The following LACTB variants were observed in gnomAD, a reference collection of about 807,000 sequenced individuals.
LACTB encodes lactamase beta.
LACTB carries 35 observed loss-of-function variants against 50.2 expected under a neutral mutation model. The observed-to-expected ratio is 0.70, with a 90% CI of 0.53 to 0.92. LACTB has a LOEUF of 0.92. Ranked by LOEUF, LACTB falls within the 40% of genes least tolerant of loss-of-function variation. LACTB has a pLI of 0.00. For synonymous variants in LACTB, 252 were observed against 268.2 expected, an observed-to-expected ratio of 0.94 and a Z score of 0.59; for missense variants, 664 against 691.8, an observed-to-expected ratio of 0.96 and a Z score of 0.45.
At chr15:63,133,174 T>G in intron 5 of LACTB, among the ~76,000 whole-genome samples, 1 of 152,252 alleles carries the variant, frequency 6.6e-6, no homozygotes, top group African/African-American at 2.4e-5. Context: ...GCTATGATTT[T>G]ATATAATTTC....
rs774767052 is a variant in LACTB at position 63,142,005 on chromosome 15, T to C, written c.*200T>C. The stretch of plus-strand genomic sequence containing the variant: ...TTTATACTCAGGGAAGTAATTATAT[T>C]GTTTTTACTTTTTGAAAAAAGTGTT... On this transcript the variant is annotated 3_prime_UTR_variant, in exon 6 of 6. Coordinates refer to ENST00000261893, the MANE Select transcript of LACTB (RefSeq NM_032857.5). 22 of 494,432 alleles carry C rather than the reference T, an allele frequency of 4.4e-5. No homozygotes were observed. Among genetic ancestry groups the C allele is most frequent in the Non-Finnish European group, 7.8e-5 (22 of 282,552 alleles). 30.6% of individuals were successfully genotyped at this position (494,432 alleles called of 1,614,324 possible). A position where few individuals can be genotyped will look rare whatever the true frequency, so the allele number is the denominator to read the frequency against.
At chr15:63,125,685 T>C (rs914402748) in intron 2 of LACTB, among the ~76,000 whole-genome samples, 2 of 151,892 alleles carry the variant, frequency 1.3e-5, no homozygotes, top group Non-Finnish European at 2.9e-5. Context: ...TTTATTTATT[T>C]ATTTATTTTT....
rs2037061617 is a variant in LACTB at position 63,126,968 on chromosome 15, G to A, written c.534G>A (p.Trp178Ter). 6.2e-7 allele frequency: 1 copy of A among 1,613,532 alleles called. No homozygotes were observed. The stretch of plus-strand genomic sequence containing the variant: ...CCATGGTTGCTCTTGCCAAATTGTG[G>A]GAAGCAGGGAAACTGGATCTTGATA... ...SLTMVALAKL[W>*]EAGKLDLDIP... The change falls in exon 3 of 6, where the codon TGG (tryptophan) becomes TGA (stop). Residue 178 changes from tryptophan to a stop codon, truncating the protein, a stop_gained. Transcript: ENST00000261893. LOFTEE classifies it high-confidence loss of function.
At chr15:63,129,447 G>T (rs2037099306) in intron 4 of LACTB, 38 bp from the exon 5 acceptor site, 3 of 1,479,778 alleles carry the variant, frequency 2.0e-6, no homozygotes, top group Admixed American at 4.7e-5. Context: ...TAATAATCAA[G>T]TATTTTATTT....
At chr15:63,125,434 C>T (rs914351816) in intron 2 of LACTB, among the ~76,000 whole-genome samples, 1 of 152,180 alleles carries the variant, frequency 6.6e-6, no homozygotes, top group African/African-American at 2.4e-5. Flanking sequence ...TCCCAAAGTG[C>T]TGGGATTACA....
Position 63,122,664 on chromosome 15 carries a change from TTGGAGTTTCTGTAGA to T in LACTB, c.391_405del (p.Val131_Gly135del). ...GAGGTGGGCGCACCGGGCATAGTGG[TTGGAGTTTCTGTAGA>T]TGGAAAAGAAGTCTGGTCAGAAGGT... On this transcript the variant is annotated inframe_deletion, in exon 2 of 6. Coordinates refer to ENST00000261893, the MANE Select transcript of LACTB (RefSeq NM_032857.5). The T allele has an allele frequency of 6.2e-7, 1 of 1,613,926 alleles. No individual in the cohort carries two copies. The highest frequency in any genetic ancestry group is 8.5e-7 in the Non-Finnish European group (1 of 1,179,802).
intron 5 of LACTB, among the ~76,000 whole-genome samples, chr15:63,134,106 A>T (rs936060008): frequency 1.3e-5 from 2 of 151,974 alleles, no homozygotes; most frequent in African/African-American, 4.8e-5. Flanking sequence ...TTCTTTACTG[A>T]TTTTTATCTG....
rs1486906885 is a variant in LACTB, at chr15:63,127,631, T to A, written c.894T>A (p.Phe298Leu). 1 of 1,610,716 alleles carries A rather than the reference T, an allele frequency of 6.2e-7. No individual in the cohort carries two copies. The highest frequency in any genetic ancestry group is 1.7e-5 in the Admixed American group (1 of 59,670). Residue 298 changes from phenylalanine to leucine, a missense_variant, in exon 4 of 6, where the codon TTT (phenylalanine) becomes TTA (leucine). By Grantham distance (22) the Phe-to-Leu change is conservative. Transcript: ENST00000261893. ...EQGELYLREK[F>L]ENSIESLRLF... ...GCGAATTATATTTGAGAGAAAAGTTTGAAAATTCAATTGAATCCCTAAGAT... is the reference window on the plus strand; with the variant it reads ...GCGAATTATATTTGAGAGAAAAGTTAGAAAATTCAATTGAATCCCTAAGAT...
chr15:63,139,871 G>A (rs2040112563), intron 5 of LACTB, among the ~76,000 whole-genome samples: 1 of 151,584 alleles, frequency 6.6e-6, no homozygotes, highest in African/African-American at 2.4e-5. Flanking sequence ...GCAGAGGCGA[G>A]TGGATTGCTT....
At chr15:63,124,851 G>A (rs2037027859) in intron 2 of LACTB, among the ~76,000 whole-genome samples, 10 of 152,112 alleles carry the variant, frequency 6.6e-5, no homozygotes, top group Admixed American at 6.6e-4. Flanking sequence ...CTACTCGGGA[G>A]GCCAGGATAC....
chr15:63,133,811 C>G (rs2037153276), intron 5 of LACTB, among the ~76,000 whole-genome samples: 1 of 152,076 alleles, frequency 6.6e-6, no homozygotes. Context: ...AACATTTGAG[C>G]TTATTTTGTA....
chr15:63,129,469 G>C lies in LACTB; in HGVS notation c.953-16G>C. The C allele has an allele frequency of 5.3e-6, 8 of 1,520,508 alleles. No homozygotes were observed. Among genetic ancestry groups the C allele is most frequent in the Non-Finnish European group, 7.0e-6 (8 of 1,136,408 alleles). The allele number at this position is 1,520,508 out of a possible 1,614,324, so 94.2% of individuals were successfully genotyped here. A position where few individuals can be genotyped will look rare whatever the true frequency, so the allele number is the denominator to read the frequency against. On this transcript the variant is annotated splice_polypyrimidine_tract_variant and intron_variant, in intron 4 of 5. Transcript: ENST00000261893. ...CAAGTATTTTATTTTTTTCCTCCTC[G>C]CAATGATGTCTCAAGGTAGTCAGTT...
chr15:63,127,459 T>A lies in LACTB; in HGVS notation c.722T>A (p.Met241Lys). 1 of 1,612,388 alleles carries A rather than the reference T, an allele frequency of 6.2e-7. No homozygotes were observed. Among genetic ancestry groups the A allele is most frequent in the Non-Finnish European group, 8.5e-7 (1 of 1,179,036 alleles). Residue 241 changes from methionine to lysine, a missense_variant, in exon 4 of 6, where the codon ATG becomes AAG. Met to Lys is a moderately conservative substitution (Grantham distance 95). Transcript: ENST00000261893. ...GAGAAAGCTTATAAAGCCTTGAAGA[T>A]GATGAAAGAGAATGTTGCATTTGAG... is the stretch of plus-strand genomic sequence containing the variant. ...KEEKAYKALK[M>K]MKENVAFEQE...
intron 5 of LACTB, among the ~76,000 whole-genome samples, chr15:63,136,836 T>G (rs1221351651): frequency 1.3e-5 from 2 of 152,240 alleles, no homozygotes; most frequent in African/African-American, 4.8e-5. Context: ...GTCTACTGAC[T>G]TGTTGGGTAT....
chr15:63,127,440 G>A lies in LACTB; in HGVS notation c.703G>A (p.Ala235Thr), dbSNP rs768865373. 31 of 1,607,886 alleles carry A rather than the reference G, an allele frequency of 1.9e-5. 2 individuals are homozygous for A. In the South Asian group the frequency reaches 3.5e-4, roughly 18 times the overall value. Residue 235 changes from alanine to threonine, a missense_variant, in exon 4 of 6, where the codon GCT becomes ACT. Coordinates refer to ENST00000261893, the MANE Select transcript of LACTB (RefSeq NM_032857.5). Reference sequence around the variant, plus strand: ...CATAAAAAAGGTGAAAGAAGAGAAAGCTTATAAAGCCTTGAAGATGATGAA... The same window carrying A: ...CATAAAAAAGGTGAAAGAAGAGAAAACTTATAAAGCCTTGAAGATGATGAA... ...KDIKKVKEEK[A>T]YKALKMMKEN... is the part of the protein sequence containing the mutation.
Position 63,127,376 on chromosome 15 carries a change from G to T in LACTB, c.639G>T (p.Leu213=). Residue 213 remains leucine (L), a synonymous_variant, in exon 4 of 6, where the codon CTG becomes CTT. Transcript: ENST00000261893. ...AGGTTTCTGTCACAACAAGATTACT[G>T]ATTTCCCATTTAAGTGGAATTCGTC... ...GEKVSVTTRL[L]ISHLSGIRHY... 6.4e-7 allele frequency: 1 copy of T among 1,572,582 alleles called. No homozygotes were observed. The highest frequency in any genetic ancestry group is 1.2e-5 in the South Asian group (1 of 83,622).
chr15:63,139,093 A>T (rs1450713641), intron 5 of LACTB, among the ~76,000 whole-genome samples: 1 of 150,454 alleles, frequency 6.6e-6, no homozygotes, highest in African/African-American at 2.4e-5. Flanking sequence ...TCACGCCTAT[A>T]ATCCCAGCAC....
chr15:63,121,997 G>A lies in LACTB; in HGVS notation c.126G>A (p.Gly42=), dbSNP rs776560413. The A allele has an allele frequency of 2.9e-6, 4 of 1,368,906 alleles. No homozygotes were observed. Among genetic ancestry groups the A allele is most frequent in the Non-Finnish European group, 3.7e-6 (4 of 1,069,676 alleles). 84.8% of individuals were successfully genotyped at this position (1,368,906 alleles called of 1,614,324 possible). A position where few individuals can be genotyped will look rare whatever the true frequency, so the allele number is the denominator to read the frequency against. Residue 42 remains glycine (G), a synonymous_variant, in exon 1 of 6, where the codon GGG becomes GGA. Transcript: ENST00000261893. ...CGCCTCTCGGCCACGGCTGGGTCGG[G>A]GGCCTCGGGCTGGGGCTGGGGCTGG... ...GLPPLGHGWV[G]GLGLGLGLAL...
intron 5 of LACTB, among the ~76,000 whole-genome samples, chr15:63,136,817 C>T (rs1177790083): frequency 1.3e-5 from 2 of 152,022 alleles, no homozygotes; most frequent in South Asian, 2.1e-4. Flanking sequence ...TTTCCAGCTT[C>T]GTTATGTAGT....
Sources: allele counts gnomAD v4.1 joint callset (sites outside exome capture counted in the v4.1 genomes callset), GRCh38; gene constraint gnomAD v4.1.1; transcripts MANE v1.5; gene names NCBI Gene and HGNC (gene_info 2026-07-23, HGNC 2026-07-21).